Variants in PKP4 observed in about 807,000 individuals in gnomAD.
PKP4 encodes plakophilin-4.
Under a neutral mutation model 145.1 loss-of-function variants are expected in PKP4, and 90 were observed. The observed-to-expected ratio is 0.62, with a 90% CI of 0.52 to 0.74. PKP4 has a LOEUF of 0.74. Ranked by LOEUF, PKP4 falls within the 30% of genes least tolerant of loss-of-function variation. The pLI is 0.00. For synonymous variants in PKP4, 563 were observed against 577.2 expected (o/e 0.98, Z 0.35); for missense variants, 1,340 against 1,482.7 (o/e 0.90, Z 1.58).
chr2:158,485,989 A>G (rs1175865672), intron 1 of PKP4, among the ~76,000 whole-genome samples: 3 of 152,192 alleles, frequency 2.0e-5, no homozygotes, highest in Non-Finnish European at 4.4e-5. Context: ...AATTTTGGCC[A>G]CATTAAATTT....
intron 11 of PKP4, among the ~76,000 whole-genome samples, chr2:158,647,899 A>G (rs1266449319): frequency 6.6e-6 from 1 of 152,252 alleles, no homozygotes; most frequent in Admixed American, 6.5e-5. Context: ...ACATCTTGTC[A>G]CTAAAAAAGA....
At chr2:158,675,921 T>C (rs1411303935) in intron 19 of PKP4, among the ~76,000 whole-genome samples, 2 of 152,310 alleles carry the variant, frequency 1.3e-5, no homozygotes, top group Admixed American at 6.5e-5. Flanking sequence ...GCCACTCTTA[T>C]TTGAAATTAA....
At chr2:158,629,930 C>T (rs2053191716) in intron 7 of PKP4, among the ~76,000 whole-genome samples, 1 of 152,116 alleles carries the variant, frequency 6.6e-6, no homozygotes. Flanking sequence ...GTCGGGGTTT[C>T]ACCACCTTGG....
intron 16 of PKP4, 60 bp downstream of exon 16, chr2:158,666,623 T>C: frequency 7.1e-7 from 1 of 1,402,526 alleles, no homozygotes; most frequent in Non-Finnish European, 9.7e-7. Context: ...TTCATGAAAC[T>C]CTTCTTTTGA....
At position 158,468,883 on chromosome 2, in the gene PKP4, A is replaced by G. The variant is rs550038960; in HGVS notation, c.-6+11665A>G. On this transcript the variant is annotated intron_variant, in intron 1 of 21. Transcript: ENST00000389759. ...TCAAATTCCTGAGCTCAAGGGACCCACTCGCATCAGCCTCCTGAGTACCTG... is the reference window on the plus strand; with the variant it reads ...TCAAATTCCTGAGCTCAAGGGACCCGCTCGCATCAGCCTCCTGAGTACCTG... 2.8e-5 allele frequency among the ~76,000 whole-genome samples: 4 copies of G among 141,620 alleles called. No individual in the cohort carries two copies. The South Asian group carries it at 6.8e-4, about 24-fold the overall frequency. 92.9% of individuals were successfully genotyped at this position (141,620 alleles called of 152,430 possible).
chr2:158,676,969 TC>T (rs900405204), intron 20 of PKP4, 102 bp downstream of exon 20: 6 of 1,354,772 alleles, frequency 4.4e-6, no homozygotes, highest in Non-Finnish European at 6.3e-6. Context: ...ATTGAGACAG[TC>T]CCCCAGCAGC....
At position 158,598,682 on chromosome 2, in the gene PKP4, T is replaced by C. The variant is rs554098204; in HGVS notation, c.246-4388T>C. On this transcript the variant is annotated intron_variant, in intron 3 of 21. Transcript: ENST00000389759. ...TACTTGGGAGGCTGAGGGAGGAGAA[T>C]GGTGTGAACCTGGGAGGCGGAGCTT... 1.1e-4 allele frequency among the ~76,000 whole-genome samples: 16 copies of C among 152,136 alleles called. No individual in the cohort carries two copies. In the East Asian group the frequency reaches 3.1e-3, roughly 30 times the overall value.
intron 1 of PKP4, among the ~76,000 whole-genome samples, chr2:158,500,058 G>A (rs1336007357): frequency 6.6e-6 from 1 of 152,182 alleles, no homozygotes; most frequent in Non-Finnish European, 1.5e-5. Context: ...AAAGTTGCTG[G>A]CACTTTTATG....
chr2:158,623,702 C>T (rs1307448189), intron 6 of PKP4, among the ~76,000 whole-genome samples: 1 of 152,120 alleles, frequency 6.6e-6, no homozygotes, highest in African/African-American at 2.4e-5. Context: ...TCATATGACC[C>T]CTAAGGGTAT....
At chr2:158,568,500 T>C (rs1466636297) in intron 2 of PKP4, among the ~76,000 whole-genome samples, 1 of 152,128 alleles carries the variant, frequency 6.6e-6, no homozygotes, top group Non-Finnish European at 1.5e-5. Context: ...GAGAGAGGTG[T>C]GTCTGGGTAA....
chr2:158,662,702 T>A lies in PKP4; in HGVS notation c.2212-195T>A, dbSNP rs137897527. On this transcript the variant is annotated intron_variant, in intron 13 of 21. Coordinates refer to ENST00000389759, the MANE Select transcript of PKP4 (RefSeq NM_003628.6). ...AATCCTCAGCAGGACTGAGAAGGGC[T>A]CTGCATCCTGTCATCTGGGTATTCC... The A allele has an allele frequency of 2.0e-3, 938 of 479,698 alleles. 3 individuals are homozygous for A. Among genetic ancestry groups the A allele is most frequent in the African/African-American group, 0.016 (838 of 51,804 alleles). 29.7% of individuals were successfully genotyped at this position (479,698 alleles called of 1,614,324 possible).
intron 17 of PKP4, among the ~76,000 whole-genome samples, chr2:158,672,954 C>G (rs1466927528): frequency 6.6e-6 from 1 of 152,186 alleles, no homozygotes; most frequent in African/African-American, 2.4e-5. Context: ...TTAGGGCTAA[C>G]TCTGCAAGCA....
intron 1 of PKP4, among the ~76,000 whole-genome samples, chr2:158,528,542 C>G (rs1400542938): frequency 3.0e-5 from 4 of 131,324 alleles, no homozygotes; most frequent in African/African-American, 5.8e-5. Flanking sequence ...TGCTAGATGA[C>G]GAGTTAGTGG....
chr2:158,494,012 C>CA lies in PKP4; in HGVS notation c.-6+36795dup, dbSNP rs541522300. On this transcript the variant is annotated intron_variant, in intron 1 of 21. Transcript: ENST00000389759. ...TCATTTAAAATGAAGCTGACATTTT[C>CA]ATTTCAGTCTTATCAGGAGGGAGGC... Among the ~76,000 whole-genome samples the CA allele has an allele frequency of 1.2e-3, 188 of 152,266 alleles. 1 individual carries two copies. Among genetic ancestry groups the CA allele is most frequent in the African/African-American group, 4.3e-3 (180 of 41,554 alleles).
intron 2 of PKP4, among the ~76,000 whole-genome samples, chr2:158,554,575 G>A (rs182185416): frequency 1.8e-4 from 27 of 151,792 alleles, no homozygotes; most frequent in East Asian, 9.8e-4. Flanking sequence ...ACAGGTGCCC[G>A]CCACCATGCC....
At chr2:158,581,164 T>C (rs1396931848) in intron 3 of PKP4, among the ~76,000 whole-genome samples, 2 of 152,208 alleles carry the variant, frequency 1.3e-5, no homozygotes, top group Non-Finnish European at 2.9e-5. Context: ...ATCTAAGTGA[T>C]ACAGAGAAGA....
intron 3 of PKP4, among the ~76,000 whole-genome samples, chr2:158,596,011 A>G (rs962835146): frequency 7.6e-6 from 1 of 131,152 alleles, no homozygotes; most frequent in Non-Finnish European, 1.6e-5. Flanking sequence ...AAATAAAATC[A>G]CAAAATGAGT....
intron 3 of PKP4, among the ~76,000 whole-genome samples, chr2:158,583,179 G>A (rs1040266763): frequency 1.3e-5 from 2 of 152,168 alleles, no homozygotes; most frequent in Non-Finnish European, 2.9e-5. Context: ...CATGGGACTT[G>A]TTCTTTTATT....
At chr2:158,607,349 G>A (rs905736143) in intron 4 of PKP4, among the ~76,000 whole-genome samples, 1 of 152,148 alleles carries the variant, frequency 6.6e-6, no homozygotes, top group African/African-American at 2.4e-5. Flanking sequence ...ATTAGCCAGG[G>A]TTCAGCTGGG....
Sources: allele counts gnomAD v4.1 joint callset (sites outside exome capture counted in the v4.1 genomes callset), GRCh38; gene constraint gnomAD v4.1.1; transcripts MANE v1.5; gene names NCBI Gene and HGNC (gene_info 2026-07-23, HGNC 2026-07-21).